The following NXPE2 variants were observed in gnomAD, a reference collection of about 807,000 sequenced individuals.
The protein encoded by NXPE2 is neurexophilin and PC-esterase domain family member 2.
NXPE2 carries 34 observed loss-of-function variants against 34.4 expected under a neutral mutation model. The ratio of observed to expected loss-of-function variants is 0.99; its 90% CI spans 0.75 to 1.31. The LOEUF is 1.31. Among genes scored for constraint, NXPE2 ranks in the 40% most tolerant of loss-of-function variants. NXPE2 has a pLI of 0.00. For missense variants in NXPE2, 649 were observed against 672.5 expected (o/e 0.97, Z 0.39); for synonymous variants, 235 against 231.3 (o/e 1.02, Z -0.15).
At chr11:114,727,305 C>T in the NXPE2 span, among the ~76,000 whole-genome samples, 1 of 151,978 alleles carries the variant, frequency 6.6e-6, no homozygotes, top group Non-Finnish European at 1.5e-5. Context: ...AGGTGGCTGA[C>T]CTCTCATATC....
At chr11:114,664,234 T>C in the NXPE2 span, among the ~76,000 whole-genome samples, 1 of 152,130 alleles carries the variant, frequency 6.6e-6, no homozygotes, top group East Asian at 1.9e-4. Context: ...AAATGCAGTA[T>C]GCCAAGAAAA....
the NXPE2 span, among the ~76,000 whole-genome samples, chr11:114,644,852 T>C: frequency 1.3e-5 from 2 of 151,906 alleles, no homozygotes; most frequent in Non-Finnish European, 2.9e-5. Flanking sequence ...ATTAAGACAG[T>C]GTAGCATTTG....
At chr11:114,632,775 T>C in the NXPE2 span, among the ~76,000 whole-genome samples, 2 of 4,964 alleles carry the variant, frequency 4.0e-4, 1 homozygote, top group Non-Finnish European at 6.3e-4. Flanking sequence ...TATATAATTA[T>C]ATATTATATA....
the NXPE2 span, among the ~76,000 whole-genome samples, chr11:114,508,305 A>G: frequency 2.0e-5 from 3 of 152,246 alleles, no homozygotes; most frequent in Non-Finnish European, 4.4e-5. Flanking sequence ...ATATTGTTAA[A>G]TGGCCATACT....
the NXPE2 span, among the ~76,000 whole-genome samples, chr11:114,624,973 TAGTA>T: frequency 6.6e-6 from 1 of 151,726 alleles, no homozygotes; most frequent in African/African-American, 2.4e-5. Context: ...ACCTTGTGGA[TAGTA>T]AGTGTTGCCT....
At chr11:114,486,208 A>G in the NXPE2 span, among the ~76,000 whole-genome samples, 1 of 152,122 alleles carries the variant, frequency 6.6e-6, no homozygotes, top group South Asian at 2.1e-4. Flanking sequence ...GGGTAAGGTG[A>G]TAGCTCACTG....
the NXPE2 span, among the ~76,000 whole-genome samples, chr11:114,746,955 T>G: frequency 1.3e-5 from 2 of 151,744 alleles, no homozygotes; most frequent in South Asian, 2.1e-4. Context: ...AAGCAAAAAT[T>G]TCTGTGTCTT....
In NXPE2 at chr11:114,698,676, G is replaced by A. The variant is rs1019874206; in HGVS notation, c.764G>A (p.Cys255Tyr). 2 of 1,614,146 alleles carry A rather than the reference G, an allele frequency of 1.2e-6. No homozygotes were observed. Among genetic ancestry groups the A allele is most frequent in the African/African-American group, 1.3e-5 (1 of 75,042 alleles). ...MDDRDQEAFY[C>Y]VRPQHMPCEA... Reference sequence around the variant, plus strand: ...GACAGAGACCAAGAAGCCTTCTACTGTGTGAGGCCTCAACATATGCCCTGT... The same window carrying A: ...GACAGAGACCAAGAAGCCTTCTACTATGTGAGGCCTCAACATATGCCCTGT... Residue 255 changes from cysteine (C) to tyrosine (Y), a missense_variant, in exon 3 of 6, where the codon TGT becomes TAT. Cys to Tyr is a radical substitution (Grantham distance 194). Coordinates refer to ENST00000389586, the MANE Select transcript of NXPE2 (RefSeq NM_182495.6).
chr11:114,530,460 A>G, the NXPE2 span: 1 of 1,614,224 alleles, frequency 6.2e-7, no homozygotes, highest in Non-Finnish European at 8.5e-7. Flanking sequence ...ACTGGGGTGG[A>G]TGAGCAGCAG....
chr11:114,805,494 C>T, the NXPE2 span, among the ~76,000 whole-genome samples: 2 of 152,336 alleles, frequency 1.3e-5, no homozygotes, highest in East Asian at 1.9e-4. Flanking sequence ...TACCCTAATA[C>T]TGAAGCTTTT....
chr11:114,747,400 T>C, the NXPE2 span, among the ~76,000 whole-genome samples: 2 of 152,164 alleles, frequency 1.3e-5, no homozygotes, highest in Non-Finnish European at 2.9e-5. Flanking sequence ...TACACAGAAG[T>C]GATACATGTC....
the NXPE2 span, among the ~76,000 whole-genome samples, chr11:114,563,181 G>C: frequency 6.6e-6 from 1 of 152,064 alleles, no homozygotes; most frequent in Non-Finnish European, 1.5e-5. Flanking sequence ...CTGGAAGTAG[G>C]AATATTAGTC....
the NXPE2 span, among the ~76,000 whole-genome samples, chr11:114,539,398 C>G: frequency 5.3e-5 from 8 of 151,252 alleles, no homozygotes; most frequent in East Asian, 1.5e-3. Flanking sequence ...CAAACCTGCA[C>G]GTTGTGCACA....
the NXPE2 span, chr11:114,530,275 T>C: frequency 5.0e-6 from 8 of 1,614,234 alleles, no homozygotes; most frequent in Non-Finnish European, 5.9e-6. Flanking sequence ...TGAGGCTTCA[T>C]ACAATAGAAG....
At chr11:114,691,462 G>A (rs1261139244) in intron 2 of NXPE2, among the ~76,000 whole-genome samples, 1 of 152,118 alleles carries the variant, frequency 6.6e-6, no homozygotes, top group Non-Finnish European at 1.5e-5. Context: ...CTAGTGTGTG[G>A]TATTTAAGAG....
the NXPE2 span, among the ~76,000 whole-genome samples, chr11:114,482,314 G>A: frequency 6.6e-6 from 1 of 152,154 alleles, no homozygotes; most frequent in East Asian, 1.9e-4. Flanking sequence ...GCTGACCTGG[G>A]ATCCACATTC....
At chr11:114,612,008 G>A in the NXPE2 span, among the ~76,000 whole-genome samples, 4 of 151,788 alleles carry the variant, frequency 2.6e-5, no homozygotes, top group Non-Finnish European at 5.9e-5. Context: ...AATAAGTCAT[G>A]CCTCATGGGT....
chr11:114,508,918 G>T, the NXPE2 span, among the ~76,000 whole-genome samples: 1 of 151,984 alleles, frequency 6.6e-6, no homozygotes, highest in African/African-American at 2.4e-5. Context: ...AAACTAAATA[G>T]CACAGCAAAA....
chr11:114,748,515 G>A, the NXPE2 span, among the ~76,000 whole-genome samples: 1 of 152,154 alleles, frequency 6.6e-6, no homozygotes, highest in Non-Finnish European at 1.5e-5. Flanking sequence ...CCAATTCTCA[G>A]TCTTTTCTTG....
Sources: allele counts gnomAD v4.1 joint callset (sites outside exome capture counted in the v4.1 genomes callset), GRCh38; gene constraint gnomAD v4.1.1; transcripts MANE v1.5; gene names NCBI Gene and HGNC (gene_info 2026-07-23, HGNC 2026-07-21).